The following PMM1 variants were observed in gnomAD, a reference collection of about 807,000 sequenced individuals.
The protein encoded by PMM1 is phosphomannomutase 1.
A neutral mutation model predicts 34.0 loss-of-function variants in PMM1; 25 were observed. The ratio of observed to expected loss-of-function variants is 0.73; its 90% CI spans 0.54 to 1.03. The LOEUF is 1.03. Ranked by LOEUF, PMM1 falls within the 50% of genes least tolerant of loss-of-function variation. The probability of loss-of-function intolerance (pLI) is 0.00; values close to 1 mark genes in which losing one functional copy is unlikely to be tolerated. For synonymous variants in PMM1, 134 were observed against 143.9 expected, an observed-to-expected ratio of 0.93 and a Z score of 0.49; for missense variants, 321 against 350.1, an observed-to-expected ratio of 0.92 and a Z score of 0.66.
Position 41,589,097 on chromosome 22 carries a change from AG to A in PMM1, c.87+621del, listed in dbSNP as rs113975037. ...CTCACAGCAAACAGGCTAGGCCTGG[AG>A]CCTCTCACATCCGGGTGGGTAGAGC... is the stretch of plus-strand genomic sequence containing the variant. On this transcript the variant is annotated intron_variant, in intron 1 of 7. Transcript: ENST00000216259. 3.0e-3 allele frequency: 3,867 copies of A among 1,304,148 alleles called. 88 individuals are homozygous for A. In the African/African-American group the frequency reaches 0.051, roughly 17 times the overall value. 80.8% of individuals were successfully genotyped at this position (1,304,148 alleles called of 1,614,324 possible). A position where few individuals can be genotyped will look rare whatever the true frequency, so the allele number is the denominator to read the frequency against.
intron 1 of PMM1, chr22:41,589,206 A>G: frequency 1.0e-6 from 1 of 980,968 alleles, no homozygotes; most frequent in Non-Finnish European, 1.4e-6. Flanking sequence ...TTCAGAAACT[A>G]GACCCAGTCC....
chr22:41,585,639 G>A (rs2067299478), intron 2 of PMM1, among the ~76,000 whole-genome samples: 1 of 151,848 alleles, frequency 6.6e-6, no homozygotes, highest in Non-Finnish European at 1.5e-5. Flanking sequence ...TTACAGGCAC[G>A]TGCCAACACA....
chr22:41,579,178 C>A, intron 5 of PMM1: 1 of 384,544 alleles, frequency 2.6e-6, no homozygotes, highest in Non-Finnish European at 5.0e-6. Flanking sequence ...GGAGACGGGG[C>A]AATCTGGATC....
At chr22:41,588,615 A>G (rs963150334) in intron 1 of PMM1, 1 of 982,722 alleles carries the variant, frequency 1.0e-6, no homozygotes, top group African/African-American at 1.7e-5. Flanking sequence ...ATGGCCTCCC[A>G]AAGTGCTGGG....
intron 5 of PMM1, chr22:41,580,011 G>A (rs2067224276): frequency 6.6e-6 from 1 of 152,378 alleles, no homozygotes; most frequent in South Asian, 2.1e-4. Context: ...GGGCCCCAGG[G>A]AGGCCAGAGT....
rs1457352665 is a variant in PMM1 at position 41,578,749 on chromosome 22, T to C, written c.550+57A>G. On this transcript the variant is annotated intron_variant, in intron 6 of 7. Transcript: ENST00000216259. ...ACAGCCTGGTCTTGGCAGGGGCAGA[T>C]GGTTTGAGGAGGGGCCCTGTACCAG... 4 of 1,439,004 alleles carry C rather than the reference T, an allele frequency of 2.8e-6. No individual in the cohort carries two copies. The East Asian group carries it at 6.8e-5, about 25-fold the overall frequency. 89.1% of individuals were successfully genotyped at this position (1,439,004 alleles called of 1,614,324 possible).
chr22:41,589,421 G>A, intron 1 of PMM1: 1 of 523,520 alleles, frequency 1.9e-6, no homozygotes, highest in Non-Finnish European at 3.5e-6. Flanking sequence ...AGCGGCGTGT[G>A]ACAGCCTCCG....
In PMM1 at chr22:41,577,407, G is replaced by A. The variant is rs770158908; in HGVS notation, c.700C>T (p.Arg234Trp). The A allele has an allele frequency of 1.2e-5, 19 of 1,612,258 alleles. No individual in the cohort carries two copies. The highest frequency in any genetic ancestry group is 1.6e-5 in the Non-Finnish European group (19 of 1,179,930). The stretch of plus-strand genomic sequence containing the variant: ...GACACCACGCTGTGGCCAACAGTCC[G>A]GGGGTCGGCAAAGATCTCAAAGTCG... ...GNDFEIFADP[R>W]TVGHSVVSPQ... The change falls in exon 8 of 8, where the codon CGG (arginine) becomes TGG (tryptophan). Residue 234 changes from arginine to tryptophan, a missense_variant. Arg to Trp is a moderately radical substitution (Grantham distance 101). Transcript: ENST00000216259.
intron 5 of PMM1, chr22:41,579,132 G>A (rs1379561896): frequency 3.4e-5 from 17 of 496,808 alleles, no homozygotes; most frequent in Non-Finnish European, 4.8e-5. Context: ...TCTTCTGAAG[G>A]AGACCTCAGA....
chr22:41,584,168 C>G, intron 4 of PMM1, 110 bp from the exon 5 acceptor site: 1 of 1,298,502 alleles, frequency 7.7e-7, no homozygotes, highest in South Asian at 1.2e-5. Context: ...GACAAGAATC[C>G]ACACTCCCCG....
In PMM1 at chr22:41,587,130, G is replaced by A. The variant is rs532712881; in HGVS notation, c.88-937C>T. 1.1e-4 allele frequency among the ~76,000 whole-genome samples: 16 copies of A among 152,044 alleles called. No individual in the cohort carries two copies. In the East Asian group the frequency reaches 1.9e-3, roughly 19 times the overall value. ...AAAAATACAAAAAAATTAGCCGGGC[G>A]TGGTGGCACGCGCCTGTAGTCCCAG... On this transcript the variant is annotated intron_variant, in intron 1 of 7. Transcript: ENST00000216259.
intron 1 of PMM1, among the ~76,000 whole-genome samples, chr22:41,587,300 C>T (rs1316512492): frequency 1.3e-5 from 2 of 150,428 alleles, no homozygotes; most frequent in African/African-American, 2.5e-5. Context: ...ATTAGCTGGG[C>T]GTGGTGGCAA....
At chr22:41,577,471 A>G (rs750118737) in intron 7 of PMM1, 31 bp from the exon 8 acceptor site, 17 of 1,594,460 alleles carry the variant, frequency 1.1e-5, no homozygotes, top group African/African-American at 6.7e-5. Flanking sequence ...GAGGAGGGAT[A>G]TTTAGGTGGA....
Position 41,577,340 on chromosome 22 carries a change from G to C in PMM1, c.767C>G (p.Pro256Arg). Residue 256 changes from proline to arginine, a missense_variant, in exon 8 of 8, where the codon CCA (proline) becomes CGA (arginine). By Grantham distance (103) the Pro-to-Arg change is moderately radical (BLOSUM62 -2). Coordinates refer to ENST00000216259, the MANE Select transcript of PMM1 (RefSeq NM_002676.3). ...TVQRCREIFF[P>R]ETAHEA ...CGGTCACGCCTCATGAGCTGTCTCT[G>C]GGAAGAAAATCTCCCGGCATCGCTG... The C allele has an allele frequency of 6.2e-7, 1 of 1,613,022 alleles. No homozygotes were observed. Among genetic ancestry groups the C allele is most frequent in the Non-Finnish European group, 8.5e-7 (1 of 1,180,014 alleles).
chr22:41,587,957 C>G (rs2067331119), intron 1 of PMM1, among the ~76,000 whole-genome samples: 1 of 152,212 alleles, frequency 6.6e-6, no homozygotes, highest in African/African-American at 2.4e-5. Context: ...ATAGGCTGTT[C>G]TTATTCAGGT....
chr22:41,577,147 A>G lies in PMM1; in HGVS notation c.*171T>C. On this transcript the variant is annotated 3_prime_UTR_variant, in exon 8 of 8. Coordinates refer to ENST00000216259, the MANE Select transcript of PMM1 (RefSeq NM_002676.3). ...GGAGGACGAAGCCAGTGCCACTAGGAGCAGACTGGCTGGGGACGGTTGTCC... is the reference window on the plus strand; with the variant it reads ...GGAGGACGAAGCCAGTGCCACTAGGGGCAGACTGGCTGGGGACGGTTGTCC... 1.2e-6 allele frequency: 1 copy of G among 839,240 alleles called. No homozygotes were observed. Among genetic ancestry groups the G allele is most frequent in the Non-Finnish European group, 1.9e-6 (1 of 516,390 alleles). The allele number at this position is 839,240 out of a possible 1,614,324, so 52.0% of individuals were successfully genotyped here. A position where few individuals can be genotyped will look rare whatever the true frequency, so the allele number is the denominator to read the frequency against.
intron 1 of PMM1, among the ~76,000 whole-genome samples, chr22:41,587,140 G>T (rs1263760724): frequency 1.3e-5 from 2 of 151,532 alleles, no homozygotes; most frequent in African/African-American, 4.8e-5. Context: ...GTGGTGGCAC[G>T]CGCCTGTAGT....
rs545060070 is a variant in PMM1 at position 41,578,583 on chromosome 22, T to C, written c.550+223A>G. On this transcript the variant is annotated intron_variant, in intron 6 of 7. Transcript: ENST00000216259. ...GCTCTGGTTTTTTGGCCTGAGAAAC[T>C]GGGTGGGCATGGGGCGTTTACCTCT... 2.6e-5 allele frequency among the ~76,000 whole-genome samples: 4 copies of C among 152,024 alleles called. No individual in the cohort carries two copies. In the South Asian group the frequency reaches 6.2e-4, roughly 24 times the overall value.
intron 1 of PMM1, 135 bp from the exon 2 acceptor site, chr22:41,586,328 C>A: frequency 1.3e-6 from 2 of 1,492,510 alleles, no homozygotes; most frequent in South Asian, 1.4e-5. Context: ...GCTTAGACAC[C>A]AAAAATTAGA....
Sources: allele counts gnomAD v4.1 joint callset (sites outside exome capture counted in the v4.1 genomes callset), GRCh38; gene constraint gnomAD v4.1.1; transcripts MANE v1.5; gene names NCBI Gene and HGNC (gene_info 2026-07-23, HGNC 2026-07-21).